The following SIGLEC10 variants were observed in gnomAD, a reference collection of about 807,000 sequenced individuals.
SIGLEC10 encodes the protein sialic acid-binding Ig-like lectin 10.
Under a neutral mutation model 68.3 loss-of-function variants are expected in SIGLEC10, and 45 were observed. The ratio of observed to expected loss-of-function variants is 0.66; its 90% CI spans 0.52 to 0.84. The LOEUF is 0.84. Among genes scored for constraint, SIGLEC10 ranks in the 40% least tolerant of loss-of-function variants. The pLI is 0.00. For missense variants in SIGLEC10, 789 were observed against 883.1 expected (o/e 0.89, Z 1.35); for synonymous variants, 379 against 370.8 (o/e 1.02, Z -0.26).
At chr19:51,412,040 G>A (rs1260776909) in intron 10 of SIGLEC10, among the ~76,000 whole-genome samples, 1 of 151,926 alleles carries the variant, frequency 6.6e-6, no homozygotes, top group Non-Finnish European at 1.5e-5. Flanking sequence ...CTACTCAGGA[G>A]GCTGAGGCAG....
At position 51,416,890 on chromosome 19, in the gene SIGLEC10, G is replaced by A. The variant is rs139983112; in HGVS notation, c.482C>T (p.Thr161Met). The A allele has an allele frequency of 6.2e-6, 10 of 1,614,148 alleles. No individual in the cohort carries two copies. The East Asian group carries it at 6.7e-5, about 11-fold the overall frequency. The change falls in exon 3 of 11, where the codon ACG becomes ATG. Residue 161 changes from threonine (T) to methionine (M), a missense_variant. By Grantham distance (81) the Thr-to-Met change is moderately conservative. Transcript: ENST00000339313. ...PETLEPGQPVTVICVFNWAFE... is the reference protein window; with the variant it reads ...PETLEPGQPVMVICVFNWAFE... Reference sequence around the variant, plus strand: ...GGCCCAGTTAAACACACAGATGACCGTCACCGGCTGCCCGGGCTCCAGGGT... The same window carrying A: ...GGCCCAGTTAAACACACAGATGACCATCACCGGCTGCCCGGGCTCCAGGGT...
rs1460882907 is a variant in SIGLEC10 at position 51,414,909 on chromosome 19, A to C, written c.1530T>G (p.His510Gln). The C allele has an allele frequency of 6.2e-7, 1 of 1,613,948 alleles. No individual in the cohort carries two copies. The highest frequency in any genetic ancestry group is 1.3e-5 in the African/African-American group (1 of 74,932). The part of the protein sequence containing the change: ...GPWANSSLSL[H>Q]GGLSSGLRLR... ...GCCTGAGGCCGGAGCTGAGCCCTCC[A>C]TGGAGGCTCAGGGAGCTGTTGGCCC... Residue 510 changes from histidine (H) to glutamine (Q), a missense_variant, in exon 8 of 11, where the codon CAT (histidine) becomes CAG (glutamine). Coordinates refer to ENST00000339313, the MANE Select transcript of SIGLEC10 (RefSeq NM_033130.5). This position sits in a 1 kb window ranked among gnomAD's most constrained non-coding sequence, Gnocchi z 4.1.
Position 51,416,186 on chromosome 19 carries a change from A to C in SIGLEC10, c.755-19T>G. The stretch of plus-strand genomic sequence containing the variant: ...TCCAGGGCTGGAGTGGGAGGAAAAA[A>C]AAAAAAGAGAGAAAGGGAGGGAGAA... On this transcript the variant is annotated intron_variant, in intron 4 of 10. Transcript: ENST00000339313. 6.2e-7 allele frequency: 1 copy of C among 1,603,972 alleles called. No homozygotes were observed. Among genetic ancestry groups the C allele is most frequent in the African/African-American group, 1.4e-5 (1 of 73,822 alleles).
rs574379794 is a variant in SIGLEC10, at chr19:51,415,842, C to A, written c.1024+56G>T. ...CTCAGCTCTGGGACCCTGAGCCCAG[C>A]CCCTGTATCCCTCTGCCCTCCCAAT... On this transcript the variant is annotated intron_variant, in intron 5 of 10. Coordinates refer to ENST00000339313, the MANE Select transcript of SIGLEC10 (RefSeq NM_033130.5). 4.5e-5 allele frequency: 72 copies of A among 1,607,548 alleles called. No individual in the cohort carries two copies. The East Asian group carries it at 1.6e-3, about 36-fold the overall frequency.
chr19:51,414,583 CG>C lies in SIGLEC10; in HGVS notation c.1616-69del. The C allele has an allele frequency of 6.6e-7, 1 of 1,509,556 alleles. No homozygotes were observed. The highest frequency in any genetic ancestry group is 9.2e-7 in the Non-Finnish European group (1 of 1,092,122). 93.5% of individuals were successfully genotyped at this position (1,509,556 alleles called of 1,614,324 possible). On this transcript the variant is annotated intron_variant, in intron 8 of 10. Coordinates refer to ENST00000339313, the MANE Select transcript of SIGLEC10 (RefSeq NM_033130.5). This position sits in a 1 kb window ranked among gnomAD's most constrained non-coding sequence, Gnocchi z 4.1. ...GGGCTCACGAAGCCCGCTCATCACT[CG>C]GCATTAAGGCTTCCGGTTCCCATGG...
Position 51,417,062 on chromosome 19 carries a change from G to A in SIGLEC10, c.421+20C>T, listed in dbSNP as rs745877379. ...TCCCTCCCCAGTGTGAGAGGCAGGG[G>A]TTCCCACCCCATTCCATACCTGTTA... On this transcript the variant is annotated intron_variant, in intron 2 of 10. Transcript: ENST00000339313. 2 of 1,610,678 alleles carry A rather than the reference G, an allele frequency of 1.2e-6. No homozygotes were observed. The highest frequency in any genetic ancestry group is 2.2e-5 in the South Asian group (2 of 90,682).
In SIGLEC10 at chr19:51,413,775, G is replaced by T. The variant is rs1988231690; in HGVS notation, c.1758C>A (p.Pro586=). 1 of 1,614,134 alleles carries T rather than the reference G, an allele frequency of 6.2e-7. No individual in the cohort carries two copies. Among genetic ancestry groups the T allele is most frequent in the Non-Finnish European group, 8.5e-7 (1 of 1,180,038 alleles). ...KRRTQTETPR[P]RFSRHSTILD... ...GGATCGTGCTGTGCCGGGAGAACCT[G>T]GGCCTCGGGGTTTCTGTCTGAGTCC... Residue 586 remains proline (P), a synonymous_variant, in exon 10 of 11, where the codon CCC becomes CCA. Transcript: ENST00000339313.
rs771212800 is a variant in SIGLEC10, at chr19:51,417,530, C to T, written c.37+15G>A. 6.2e-6 allele frequency: 10 copies of T among 1,614,254 alleles called. No homozygotes were observed. Among genetic ancestry groups the T allele is most frequent in the Non-Finnish European group, 7.6e-6 (9 of 1,180,030 alleles). On this transcript the variant is annotated intron_variant, in intron 1 of 10. Transcript: ENST00000339313. ...AGCTCCGCCCCAGGTCCTTTCCGGC[C>T]CTTGGCCCACTCACCGCCCAGCAGC...
rs1299308382 is a variant in SIGLEC10 at position 51,417,201 on chromosome 19, C to T, written c.302G>A (p.Cys101Tyr). The T allele has an allele frequency of 1.2e-6, 2 of 1,614,252 alleles. No homozygotes were observed. Among genetic ancestry groups the T allele is most frequent in the Admixed American group, 1.7e-5 (1 of 60,028 alleles). Residue 101 changes from cysteine to tyrosine, a missense_variant, in exon 2 of 11, where the codon TGC becomes TAC. By Grantham distance (194) the Cys-to-Tyr change is radical (BLOSUM62 -2). Transcript: ENST00000339313. Reference protein sequence around the residue: ...QLTGDPAKGNCSLVIRDAQMQ... With the variant: ...QLTGDPAKGNYSLVIRDAQMQ... ...CTGCGCGTCTCTGATCACCAAGGAG[C>T]AGTTCCCCTTGGCGGGATCCCCAGT...
chr19:51,415,656 G>A lies in SIGLEC10; in HGVS notation c.1025-41C>T, dbSNP rs765288348. ...GGGACCGGCTCTAGACGGACCAGGG[G>A]CTTCCCTCTGGGTAAAGGGAACCAT... On this transcript the variant is annotated intron_variant, in intron 5 of 10. Transcript: ENST00000339313. The A allele has an allele frequency of 1.1e-5, 17 of 1,613,682 alleles. 1 individual carries two copies. Among genetic ancestry groups the A allele is most frequent in the African/African-American group, 9.3e-5 (7 of 74,888 alleles).
At position 51,414,935 on chromosome 19, in the gene SIGLEC10, A is replaced by G; in HGVS notation, c.1504T>C (p.Trp502Arg). 1 of 1,614,034 alleles carries G rather than the reference A, an allele frequency of 6.2e-7. No individual in the cohort carries two copies. The highest frequency in any genetic ancestry group is 8.5e-7 in the Non-Finnish European group (1 of 1,179,996). ...FEVTPSSAGP[W>R]ANSSLSLHGG... is the part of the protein sequence containing the mutation. ...TGGAGGCTCAGGGAGCTGTTGGCCC[A>G]GGGCCCGGCTGAGCTGGGGGTGACC... The change falls in exon 8 of 11, where the codon TGG becomes CGG. Residue 502 changes from tryptophan (W) to arginine (R), a missense_variant. Transcript: ENST00000339313. This position sits in a 1 kb window ranked among gnomAD's most constrained non-coding sequence, Gnocchi z 4.1.
At position 51,411,294 on chromosome 19, in the gene SIGLEC10, T is replaced by G; in HGVS notation, c.1899A>C (p.Ser633=). 1 of 1,614,198 alleles carries G rather than the reference T, an allele frequency of 6.2e-7. No individual in the cohort carries two copies. The highest frequency in any genetic ancestry group is 1.1e-5 in the South Asian group (1 of 91,084). Residue 633 remains serine (S), a synonymous_variant, in exon 11 of 11, where the codon TCA becomes TCC. Coordinates refer to ENST00000339313, the MANE Select transcript of SIGLEC10 (RefSeq NM_033130.5). ...GATACTGCTTTTTCTGGTTCTTCTT[T>G]GATTCTGGGGAGGGAGCACCTGGTG... ...PLPPGAPSPE[S]KKNQKKQYQL...
chr19:51,416,821 G>A lies in SIGLEC10; in HGVS notation c.551C>T (p.Ala184Val). 9 of 1,614,220 alleles carry A rather than the reference G, an allele frequency of 5.6e-6. No individual in the cohort carries two copies. Among genetic ancestry groups the A allele is most frequent in the Non-Finnish European group, 7.6e-6 (9 of 1,180,032 alleles). The change falls in exon 3 of 11, where the codon GCC becomes GTC. Residue 184 changes from alanine (A) to valine (V), a missense_variant. Physicochemically the swap from Ala to Val is moderately conservative, Grantham distance 64 (BLOSUM62 0). Transcript: ENST00000339313. ...PPPSFSWTGA[A>V]LSSQGTKPTT... is the part of the protein sequence containing the mutation. ...TGGTTTGGTTCCTTGGGAGGAGAGG[G>A]CAGCCCCCGTCCAGGAGAAAGAAGG... is the stretch of plus-strand genomic sequence containing the variant.
At chr19:51,415,738 A>G in intron 5 of SIGLEC10, 123 bp from the exon 6 acceptor site, 1 of 1,576,926 alleles carries the variant, frequency 6.3e-7, no homozygotes, top group African/African-American at 1.4e-5. Flanking sequence ...AGAATCACCC[A>G]CTGAGTCCCA....
chr19:51,410,964 AAGAGAGAGAAAG>A lies in SIGLEC10; in HGVS notation c.*123_*134del. ...GTGCCCTGGCCAGATGTTTTTTTAA[AAGAGAGAGAAAG>A]AGAGAGAGAGAGAGAAAGAGAGAGA... On this transcript the variant is annotated 3_prime_UTR_variant, in exon 11 of 11. Transcript: ENST00000339313. The A allele has an allele frequency of 2.8e-6, 3 of 1,072,744 alleles. No homozygotes were observed. Among genetic ancestry groups the A allele is most frequent in the East Asian group, 2.4e-5 (1 of 41,752 alleles). 66.5% of individuals were successfully genotyped at this position (1,072,744 alleles called of 1,614,324 possible).
At chr19:51,413,589 T>C (rs1988209502) in intron 10 of SIGLEC10, 123 bp downstream of exon 10, 2 of 829,400 alleles carry the variant, frequency 2.4e-6, no homozygotes, top group Admixed American at 2.3e-5. Flanking sequence ...AGGCAGGATT[T>C]GAATTCAGAA....
chr19:51,416,295 G>A lies in SIGLEC10; in HGVS notation c.754+15C>T, dbSNP rs530058593. 2.4e-5 allele frequency: 39 copies of A among 1,614,016 alleles called. 1 individual carries two copies. The Middle Eastern group carries it at 8.3e-4, about 34-fold the overall frequency. On this transcript the variant is annotated intron_variant, in intron 4 of 10. Transcript: ENST00000339313. Reference sequence around the variant, plus strand: ...AAGACAACTGGCCCAGCCCCAGCCCGACGGCCCTCAGTACCTGGCGTGTTG... The same window carrying A: ...AAGACAACTGGCCCAGCCCCAGCCCAACGGCCCTCAGTACCTGGCGTGTTG...
chr19:51,416,191 A>G (rs1988623444), intron 4 of SIGLEC10, 24 bp from the exon 5 acceptor site: 4 of 1,601,964 alleles, frequency 2.5e-6, no homozygotes, highest in Non-Finnish European at 3.4e-6. Context: ...AAAAAAAAAA[A>G]AGAGAGAAAG....
rs755380294 is a variant in SIGLEC10, at chr19:51,416,051, G to T, written c.871C>A (p.Gln291Lys). The change falls in exon 5 of 11, where the codon CAG (glutamine) becomes AAG (lysine). Residue 291 changes from glutamine to lysine, a missense_variant. Transcript: ENST00000339313. ...QPPATLSWVLQNRVLSSSHPW... is the reference protein window; with the variant it reads ...QPPATLSWVLKNRVLSSSHPW... The stretch of plus-strand genomic sequence containing the variant: ...TGGGACGAGGAGAGGACTCTGTTCT[G>T]CAGGACCCAGCTCAGTGTGGCAGGG... The T allele has an allele frequency of 1.2e-6, 2 of 1,612,914 alleles. No homozygotes were observed. The highest frequency in any genetic ancestry group is 3.3e-5 in the Admixed American group (2 of 59,964).
Sources: gnomAD v4.1 joint callset for allele counts (sites outside exome capture counted in the v4.1 genomes callset) on GRCh38, gnomAD v4.1.1 for gene constraint, Gnocchi (gnomAD v3.1) non-coding constraint, MANE v1.5 for transcripts, NCBI Gene and HGNC (gene_info 2026-07-23, HGNC 2026-07-21) for gene names.